IQCM: variants seen among roughly 807,000 people sequenced by gnomAD.
IQCM encodes IQ motif containing M.
A neutral mutation model predicts 57.6 loss-of-function variants in IQCM; 45 were observed. That is an observed-to-expected ratio of 0.78 (90% CI 0.62 to 1.00). The LOEUF (loss-of-function observed/expected upper bound fraction) is 1.00. Among genes scored for constraint, IQCM ranks in the 50% least tolerant of loss-of-function variants. The pLI is 0.00. For missense variants in IQCM, 468 were observed against 511.6 expected (o/e 0.91, Z 0.82); for synonymous variants, 148 against 158.9 (o/e 0.93, Z 0.51).
At chr4:149,719,547 T>C (rs1765272682) in intron 5 of IQCM, among the ~76,000 whole-genome samples, 1 of 152,184 alleles carries the variant, frequency 6.6e-6, no homozygotes, top group African/African-American at 2.4e-5. Context: ...AATTCACTGA[T>C]TCACATAAAC....
At chr4:149,671,386 T>C (rs1207685227) in intron 7 of IQCM, among the ~76,000 whole-genome samples, 1 of 152,168 alleles carries the variant, frequency 6.6e-6, no homozygotes, top group Admixed American at 6.6e-5. Context: ...TTATTAGTCT[T>C]GCTAGCTGTC....
chr4:149,532,860 CAT>C (rs1216448342), intron 12 of IQCM, among the ~76,000 whole-genome samples: 5 of 151,896 alleles, frequency 3.3e-5, no homozygotes, highest in Non-Finnish European at 5.9e-5. Context: ...TACAGAGAAA[CAT>C]GTGTAATATA....
At chr4:149,352,509 C>A (rs1256793590) in intron 13 of IQCM, among the ~76,000 whole-genome samples, 1 of 152,180 alleles carries the variant, frequency 6.6e-6, no homozygotes, top group Non-Finnish European at 1.5e-5. Flanking sequence ...TACGTGTAAA[C>A]TAGAGATGAT....
chr4:149,737,538 C>T (rs1325730605), intron 3 of IQCM: 1 of 152,112 alleles, frequency 6.6e-6, no homozygotes, highest in African/African-American at 2.4e-5. Context: ...GAAGGCCACA[C>T]TCTCTCTTTA....
chr4:149,546,216 A>G (rs565809059), intron 12 of IQCM, among the ~76,000 whole-genome samples: 10 of 152,270 alleles, frequency 6.6e-5, no homozygotes, highest in Non-Finnish European at 1.3e-4. Context: ...CCAGTCTATC[A>G]TTGATGGACA....
intron 7 of IQCM, among the ~76,000 whole-genome samples, chr4:149,681,751 C>G (rs1762195019): frequency 6.6e-6 from 1 of 151,002 alleles, no homozygotes; most frequent in Non-Finnish European, 1.5e-5. Flanking sequence ...CCAGAGAGTT[C>G]CTCGATCACA....
At chr4:149,457,068 C>T (rs1737782190) in intron 12 of IQCM, among the ~76,000 whole-genome samples, 2 of 152,064 alleles carry the variant, frequency 1.3e-5, no homozygotes, top group South Asian at 4.1e-4. Context: ...TAGTTCCAAA[C>T]TCAGAGTTAT....
intron 8 of IQCM, among the ~76,000 whole-genome samples, chr4:149,605,635 G>A (rs1021095129): frequency 5.3e-5 from 8 of 152,052 alleles, no homozygotes; most frequent in African/African-American, 1.7e-4. Context: ...TACACTTTAG[G>A]CCCAGATAAT....
intron 13 of IQCM, among the ~76,000 whole-genome samples, chr4:149,381,985 G>A (rs567964536): frequency 5.3e-5 from 8 of 152,114 alleles, no homozygotes; most frequent in East Asian, 3.9e-4. Flanking sequence ...TGTTGGTCTC[G>A]AACTTCTGAC....
At chr4:149,667,843 C>A (rs1163929090) in intron 7 of IQCM, among the ~76,000 whole-genome samples, 1 of 151,442 alleles carries the variant, frequency 6.6e-6, no homozygotes, top group Non-Finnish European at 1.5e-5. Flanking sequence ...GATTGAAGAT[C>A]AATTTAATGA....
intron 12 of IQCM, among the ~76,000 whole-genome samples, chr4:149,519,462 A>T (rs1237238380): frequency 6.6e-6 from 1 of 151,908 alleles, no homozygotes; most frequent in Non-Finnish European, 1.5e-5. Flanking sequence ...TCTACTAAAA[A>T]TACAAAAAAA....
At chr4:149,412,668 A>G (rs892144493) in intron 13 of IQCM, among the ~76,000 whole-genome samples, 2 of 152,216 alleles carry the variant, frequency 1.3e-5, no homozygotes, top group African/African-American at 4.8e-5. Context: ...ACAGATATGT[A>G]TAGATCTAAA....
At chr4:149,736,533 T>C (rs1318939979) in intron 3 of IQCM, among the ~76,000 whole-genome samples, 1 of 152,130 alleles carries the variant, frequency 6.6e-6, no homozygotes, top group Non-Finnish European at 1.5e-5. Context: ...TTTTTATAAC[T>C]CTATCTCTAT....
At chr4:149,605,840 GC>G (rs1162891355) in intron 8 of IQCM, among the ~76,000 whole-genome samples, 3 of 152,014 alleles carry the variant, frequency 2.0e-5, no homozygotes, top group Non-Finnish European at 4.4e-5. Context: ...AGAGATTTCT[GC>G]TTGGGGGAAG....
intron 2 of IQCM, among the ~76,000 whole-genome samples, chr4:149,794,330 T>C (rs1772915439): frequency 6.6e-6 from 1 of 152,242 alleles, no homozygotes; most frequent in Non-Finnish European, 1.5e-5. Flanking sequence ...ATAATTTGAA[T>C]AATTTTTCTG....
chr4:149,363,071 A>G (rs1306929074), intron 13 of IQCM, among the ~76,000 whole-genome samples: 2 of 152,204 alleles, frequency 1.3e-5, no homozygotes, highest in East Asian at 3.9e-4. Context: ...CCCCAGTGAG[A>G]AAATGAAAGT....
intron 12 of IQCM, among the ~76,000 whole-genome samples, chr4:149,446,579 G>A (rs1376279527): frequency 6.6e-6 from 1 of 151,616 alleles, no homozygotes; most frequent in Non-Finnish European, 1.5e-5. Flanking sequence ...ATCTTAATGT[G>A]AATTACATTT....
chr4:149,372,696 A>C (rs1254354558), intron 13 of IQCM, among the ~76,000 whole-genome samples: 1 of 151,198 alleles, frequency 6.6e-6, no homozygotes, highest in Non-Finnish European at 1.5e-5. Flanking sequence ...TTATGGCTTT[A>C]TTTTTTTTTC....
intron 13 of IQCM, among the ~76,000 whole-genome samples, chr4:149,395,719 A>G (rs1332915229): frequency 6.6e-6 from 1 of 152,000 alleles, no homozygotes; most frequent in African/African-American, 2.4e-5. Flanking sequence ...AGACAGGAAC[A>G]TATTTTGGGA....
Sources: gnomAD v4.1 joint callset for allele counts (sites outside exome capture counted in the v4.1 genomes callset) on GRCh38, gnomAD v4.1.1 for gene constraint, MANE v1.5 for transcripts, NCBI Gene and HGNC (gene_info 2026-07-23, HGNC 2026-07-21) for gene names.